Variants in DSCAM observed in about 807,000 individuals in gnomAD.
The protein encoded by DSCAM is DS cell adhesion molecule, also known as cell adhesion molecule DSCAM.
In DSCAM, 47 loss-of-function variants were observed where a neutral mutation model predicts 217.7. The observed-to-expected ratio is 0.22, with a 90% CI of 0.17 to 0.28. The LOEUF (loss-of-function observed/expected upper bound fraction) is 0.28, where lower values mean the gene tolerates loss of function less well. DSCAM is among the 10% of genes least tolerant of loss of function. The pLI is 1.00. For synonymous variants in DSCAM, 1,056 were observed against 1,015.3 expected (o/e 1.04, Z -0.76); for missense variants, 2,080 against 2,618.3 (o/e 0.79, Z 4.49).
chr21:40,537,547 T>C (rs1395627155), intron 3 of DSCAM, among the ~76,000 whole-genome samples: 2 of 152,056 alleles, frequency 1.3e-5, no homozygotes, highest in Non-Finnish European at 2.9e-5. Flanking sequence ...TCTGTCCTTA[T>C]TTGGAAATAG....
chr21:40,536,686 G>T (rs368118310), intron 3 of DSCAM, among the ~76,000 whole-genome samples: 1 of 152,160 alleles, frequency 6.6e-6, no homozygotes. Context: ...GATTACAGGC[G>T]TGAGCCACTG....
intron 3 of DSCAM, among the ~76,000 whole-genome samples, chr21:40,431,249 C>T (rs1394247765): frequency 6.6e-6 from 1 of 152,208 alleles, no homozygotes; most frequent in Non-Finnish European, 1.5e-5. Context: ...TTCACTGATA[C>T]ACAAATTTTC....
chr21:40,428,263 TGTGTG>T (rs2145889541), intron 3 of DSCAM, among the ~76,000 whole-genome samples: 1 of 149,282 alleles, frequency 6.7e-6, no homozygotes, highest in South Asian at 2.1e-4. Flanking sequence ...TGTGTGTGTG[TGTGTG>T]TGTGTGTGTG....
chr21:40,037,386 A>C (rs2146462867), intron 32 of DSCAM, among the ~76,000 whole-genome samples: 1 of 148,194 alleles, frequency 6.7e-6, no homozygotes, highest in African/African-American at 2.6e-5. Flanking sequence ...ACAAACAGAG[A>C]GCCAAATCAT....
intron 1 of DSCAM, among the ~76,000 whole-genome samples, chr21:40,727,107 A>G (rs2090963463): frequency 6.6e-6 from 1 of 152,212 alleles, no homozygotes; most frequent in Admixed American, 6.5e-5. Flanking sequence ...AAAATAAGAC[A>G]TTCTCACCTA....
At chr21:40,652,557 G>T (rs1384005610) in intron 3 of DSCAM, among the ~76,000 whole-genome samples, 2 of 152,160 alleles carry the variant, frequency 1.3e-5, no homozygotes, top group Non-Finnish European at 1.5e-5. Flanking sequence ...TCCACAGGAG[G>T]CACATCCAAT....
chr21:40,206,515 G>A (rs1364701218), intron 11 of DSCAM, among the ~76,000 whole-genome samples: 1 of 152,106 alleles, frequency 6.6e-6, no homozygotes, highest in Non-Finnish European at 1.5e-5. Context: ...CACACATTGA[G>A]ACCCAGTGAG....
At chr21:40,453,596 C>G (rs1436408525) in intron 3 of DSCAM, among the ~76,000 whole-genome samples, 1 of 152,198 alleles carries the variant, frequency 6.6e-6, no homozygotes, top group Non-Finnish European at 1.5e-5. Context: ...ACAATTCCAC[C>G]ATCCATCTGA....
intron 3 of DSCAM, among the ~76,000 whole-genome samples, chr21:40,678,532 G>A (rs1428352770): frequency 6.6e-6 from 1 of 152,156 alleles, no homozygotes; most frequent in South Asian, 2.1e-4. Flanking sequence ...ATGGGCGCGT[G>A]TGGGTGATCT....
intron 28 of DSCAM, among the ~76,000 whole-genome samples, chr21:40,058,629 T>C (rs914534568): frequency 3.9e-5 from 6 of 152,326 alleles, no homozygotes; most frequent in African/African-American, 1.4e-4. Context: ...TTTGAGGCAA[T>C]AATATCCTTC....
At chr21:40,763,931 T>C (rs185105305) in intron 1 of DSCAM, among the ~76,000 whole-genome samples, 2 of 152,298 alleles carry the variant, frequency 1.3e-5, no homozygotes, top group Admixed American at 1.3e-4. Context: ...TTAAACCTTA[T>C]ATAAAAATTA....
intron 32 of DSCAM, among the ~76,000 whole-genome samples, chr21:40,040,745 C>T (rs1377340234): frequency 3.9e-5 from 6 of 152,178 alleles, no homozygotes; most frequent in Non-Finnish European, 7.3e-5. Flanking sequence ...AGTACACAGT[C>T]ACCAACGCCA....
chr21:40,692,051 A>T (rs185659916), intron 3 of DSCAM, among the ~76,000 whole-genome samples: 1 of 152,384 alleles, frequency 6.6e-6, no homozygotes, highest in Admixed American at 6.5e-5. Flanking sequence ...ACTATTTATA[A>T]TCCACATCGG....
chr21:40,532,042 A>G (rs1393145423), intron 3 of DSCAM, among the ~76,000 whole-genome samples: 1 of 152,082 alleles, frequency 6.6e-6, no homozygotes, highest in Non-Finnish European at 1.5e-5. Context: ...CAAAGTAAAT[A>G]TTTTCAAAAG....
chr21:40,524,777 G>A (rs765605714), intron 3 of DSCAM, among the ~76,000 whole-genome samples: 3 of 152,214 alleles, frequency 2.0e-5, no homozygotes, highest in African/African-American at 7.2e-5. Flanking sequence ...TTGGGAGGAC[G>A]AGGTGGGCGG....
Position 40,728,577 on chromosome 21 carries a change from C to G in DSCAM, c.44-19806G>C, listed in dbSNP as rs868608852. ...GGGATTACAGGCACCTACAACCACGCCCGGCTAATTTTTTGTATTTTTAGT... is the reference window on the plus strand; with the variant it reads ...GGGATTACAGGCACCTACAACCACGGCCGGCTAATTTTTTGTATTTTTAGT... On this transcript the variant is annotated intron_variant, in intron 1 of 32. Coordinates refer to ENST00000400454, the MANE Select transcript of DSCAM (RefSeq NM_001389.5). Among the ~76,000 whole-genome samples the G allele has an allele frequency of 2.0e-5, 3 of 152,198 alleles. No homozygotes were observed. In the Middle Eastern group the frequency reaches 0.01, roughly 518 times the overall value.
chr21:40,783,678 T>C (rs1289007557), intron 1 of DSCAM, among the ~76,000 whole-genome samples: 1 of 151,968 alleles, frequency 6.6e-6, no homozygotes, highest in Non-Finnish European at 1.5e-5. Flanking sequence ...AGCAATGGAG[T>C]GGACAGCACC....
intron 16 of DSCAM, among the ~76,000 whole-genome samples, chr21:40,160,823 A>AT (rs901551716): frequency 3.3e-5 from 5 of 152,172 alleles, no homozygotes; most frequent in Non-Finnish European, 7.3e-5. Context: ...CTACACTTAG[A>AT]TTTTTTGTGT....
intron 3 of DSCAM, among the ~76,000 whole-genome samples, chr21:40,590,745 T>C (rs1054618022): frequency 2.0e-5 from 3 of 152,222 alleles, no homozygotes; most frequent in Non-Finnish European, 4.4e-5. Context: ...CTGAAAGTCC[T>C]GTACCAATAT....
Sources: gnomAD v4.1 joint callset for allele counts (sites outside exome capture counted in the v4.1 genomes callset) on GRCh38, gnomAD v4.1.1 for gene constraint, MANE v1.5 for transcripts, NCBI Gene and HGNC (gene_info 2026-07-23, HGNC 2026-07-21) for gene names.